TENM3: variants seen among roughly 807,000 people sequenced by gnomAD.
The protein encoded by TENM3 is teneurin-3.
Under a neutral mutation model 255.1 loss-of-function variants are expected in TENM3, and 63 were observed. That is an observed-to-expected ratio of 0.25 (90% CI 0.20 to 0.30). TENM3 has a LOEUF of 0.30. Among genes scored for constraint, TENM3 ranks in the 10% least tolerant of loss-of-function variants. The pLI is 1.00. For synonymous variants in TENM3, 1,306 were observed against 1,322.3 expected, an observed-to-expected ratio of 0.99 and a Z score of 0.27; for missense variants, 2,929 against 3,461.1, an observed-to-expected ratio of 0.85 and a Z score of 3.86.
At chr4:182,378,334 G>A (rs1767322541) in intron 3 of TENM3, among the ~76,000 whole-genome samples, 1 of 152,152 alleles carries the variant, frequency 6.6e-6, no homozygotes, top group African/African-American at 2.4e-5. Context: ...AAGTCTAGAG[G>A]GAAAGACAGA....
chr4:181,763,759 C>G, the TENM3 span, among the ~76,000 whole-genome samples: 13 of 152,292 alleles, frequency 8.5e-5, no homozygotes, highest in South Asian at 1.9e-3. Context: ...CCTTTTAGCA[C>G]TAACTCAAGT....
chr4:181,615,823 A>T, the TENM3 span, among the ~76,000 whole-genome samples: 1 of 152,218 alleles, frequency 6.6e-6, no homozygotes, highest in Non-Finnish European at 1.5e-5. Flanking sequence ...AATTTCCTGT[A>T]GGGAAGATAT....
intron 6 of TENM3, among the ~76,000 whole-genome samples, chr4:182,663,392 A>T (rs1265485024): frequency 6.6e-6 from 1 of 152,212 alleles, no homozygotes; most frequent in African/African-American, 2.4e-5. Context: ...ATTTGACTGA[A>T]AACAACCTAA....
At chr4:181,664,645 C>T in the TENM3 span, among the ~76,000 whole-genome samples, 1 of 152,130 alleles carries the variant, frequency 6.6e-6, no homozygotes, top group Non-Finnish European at 1.5e-5. Context: ...AACTTTCACT[C>T]CTGGCCAAAC....
chr4:181,695,520 G>A, the TENM3 span, among the ~76,000 whole-genome samples: 1 of 152,154 alleles, frequency 6.6e-6, no homozygotes, highest in Non-Finnish European at 1.5e-5. Flanking sequence ...AGTTCAGTGT[G>A]ATTATTCAAC....
intron 1 of TENM3, among the ~76,000 whole-genome samples, chr4:182,284,337 A>C (rs909239650): frequency 1.3e-5 from 2 of 152,212 alleles, no homozygotes; most frequent in African/African-American, 4.8e-5. Flanking sequence ...GCATATTCAC[A>C]GATGTTAATC....
At chr4:182,710,797 A>G (rs1460359224) in intron 12 of TENM3, among the ~76,000 whole-genome samples, 5 of 152,194 alleles carry the variant, frequency 3.3e-5, no homozygotes, top group African/African-American at 1.2e-4. Flanking sequence ...GCTGATTAAG[A>G]TTTATTAGGT....
the TENM3 span, among the ~76,000 whole-genome samples, chr4:181,977,939 T>C: frequency 6.6e-6 from 1 of 152,142 alleles, no homozygotes; most frequent in East Asian, 1.9e-4. Context: ...TCAAAGACGA[T>C]AGCAAAGTCA....
At chr4:182,616,453 C>G (rs1749525917) in intron 4 of TENM3, among the ~76,000 whole-genome samples, 1 of 142,844 alleles carries the variant, frequency 7.0e-6, no homozygotes, top group Non-Finnish European at 1.5e-5. Context: ...AGCGCACCAG[C>G]ATGGCACATG....
chr4:181,473,620 A>G, the TENM3 span, among the ~76,000 whole-genome samples: 2 of 146,960 alleles, frequency 1.4e-5, no homozygotes, highest in African/African-American at 4.9e-5. Flanking sequence ...AAATGAAATG[A>G]AAAAAAAAAT....
chr4:182,685,241 C>G (rs1411722452), intron 11 of TENM3, among the ~76,000 whole-genome samples: 4 of 152,092 alleles, frequency 2.6e-5, no homozygotes, highest in Non-Finnish European at 1.5e-5. Flanking sequence ...TTCTTCCCTT[C>G]CTTCCTGTTT....
intron 22 of TENM3, among the ~76,000 whole-genome samples, chr4:182,767,885 T>C (rs774673260): frequency 6.2e-4 from 95 of 152,194 alleles, no homozygotes; most frequent in Non-Finnish European, 1.3e-3. Context: ...AACCAACATC[T>C]GCTGCTGTCT....
At chr4:182,418,916 A>G (rs907310835) in intron 3 of TENM3, among the ~76,000 whole-genome samples, 2 of 152,158 alleles carry the variant, frequency 1.3e-5, no homozygotes, top group South Asian at 2.1e-4. Context: ...GGACAGTGCC[A>G]TACCTCTCAA....
At chr4:181,818,541 G>A in the TENM3 span, among the ~76,000 whole-genome samples, 1 of 151,738 alleles carries the variant, frequency 6.6e-6, no homozygotes, top group African/African-American at 2.4e-5. Flanking sequence ...AAGTTCTGCG[G>A]TACATGTGCA....
At chr4:181,892,537 G>C in the TENM3 span, among the ~76,000 whole-genome samples, 1 of 152,168 alleles carries the variant, frequency 6.6e-6, no homozygotes, top group Non-Finnish European at 1.5e-5. Flanking sequence ...GGGTCCGTAT[G>C]AACTGGTCCC....
rs190600556 is a variant in TENM3, at chr4:182,325,059, T to C, written c.232+807T>C. On this transcript the variant is annotated intron_variant, in intron 2 of 27. Transcript: ENST00000511685. ...ATACAGTCTTGAGATGTGGGCAAGA[T>C]TACTAATAAAAATAAAATCCTCTTA... 2.0e-4 allele frequency among the ~76,000 whole-genome samples: 31 copies of C among 152,288 alleles called. No homozygotes were observed. In the East Asian group the frequency reaches 5.6e-3, roughly 27 times the overall value.
At chr4:181,912,740 C>T in the TENM3 span, among the ~76,000 whole-genome samples, 4 of 150,258 alleles carry the variant, frequency 2.7e-5, no homozygotes, top group Admixed American at 2.6e-4. Flanking sequence ...CCACTGCACT[C>T]CAGCCTGGGC....
intron 3 of TENM3, among the ~76,000 whole-genome samples, chr4:182,487,804 C>T (rs1580719428): frequency 6.6e-6 from 1 of 152,136 alleles, no homozygotes; most frequent in East Asian, 1.9e-4. Context: ...TTCATTCAAA[C>T]ATTTATTCTC....
chr4:182,442,601 G>GA lies in TENM3; in HGVS notation c.511+95672_511+95673insA, dbSNP rs1438675466. On this transcript the variant is annotated intron_variant, in intron 3 of 27. Coordinates refer to ENST00000511685, the MANE Select transcript of TENM3 (RefSeq NM_001080477.4). Reference sequence around the variant, plus strand: ...GCTTGGTCTTTTTGTTTGTTTGCTTGTTTTTTTAGAGATAGAGTCTTGCTT... The same window carrying GA: ...GCTTGGTCTTTTTGTTTGTTTGCTTGATTTTTTTAGAGATAGAGTCTTGCTT... Among the ~76,000 whole-genome samples the GA allele has an allele frequency of 2.6e-5, 4 of 152,030 alleles. No homozygotes were observed. The East Asian group carries it at 7.7e-4, about 29-fold the overall frequency.
Sources: gnomAD v4.1 joint callset for allele counts (sites outside exome capture counted in the v4.1 genomes callset) on GRCh38, gnomAD v4.1.1 for gene constraint, MANE v1.5 for transcripts, NCBI Gene and HGNC (gene_info 2026-07-23, HGNC 2026-07-21) for gene names.